Variants in RIPOR2 observed in about 807,000 individuals in gnomAD.
RIPOR2 encodes the protein RHO family interacting cell polarization regulator 2.
A neutral mutation model predicts 114.5 loss-of-function variants in RIPOR2; 39 were observed. That is an observed-to-expected ratio of 0.34 (90% CI 0.26 to 0.44). The LOEUF (loss-of-function observed/expected upper bound fraction) is 0.44. Ranked by LOEUF, RIPOR2 falls within the 20% of genes least tolerant of loss-of-function variation. The probability of loss-of-function intolerance (pLI) is 1.00; values close to 1 mark genes in which losing one functional copy is unlikely to be tolerated. For missense variants in RIPOR2, 1,007 were observed against 1,255.1 expected (o/e 0.80, Z 2.99); for synonymous variants, 445 against 484.4 (o/e 0.92, Z 1.07).
At position 24,809,825 on chromosome 6, in the gene RIPOR2, G is replaced by C. The variant is rs1336387711; in HGVS notation, c.2953-18C>G. Reference sequence around the variant, plus strand: ...TCAGTAGCCTATGGGGGAAAAATAGGTTAAATCGTGTTTTGACATTTAGGT... The same window carrying C: ...TCAGTAGCCTATGGGGGAAAAATAGCTTAAATCGTGTTTTGACATTTAGGT... On this transcript the variant is annotated intron_variant, in intron 20 of 21. Transcript: ENST00000643898. The C allele has an allele frequency of 6.8e-7, 1 of 1,476,224 alleles. No individual in the cohort carries two copies. Among genetic ancestry groups the C allele is most frequent in the African/African-American group, 1.4e-5 (1 of 71,556 alleles). The allele number at this position is 1,476,224 out of a possible 1,614,324, so 91.4% of individuals were successfully genotyped here.
chr6:25,024,167 G>T, intron 1 of RIPOR2: 2 of 1,265,964 alleles, frequency 1.6e-6, no homozygotes, highest in Non-Finnish European at 2.3e-6. Context: ...CCTGCTGGGC[G>T]ATTTCCACTT....
intron 1 of RIPOR2, among the ~76,000 whole-genome samples, chr6:24,984,712 G>A (rs554455908): frequency 6.6e-6 from 1 of 151,810 alleles, no homozygotes; most frequent in South Asian, 2.1e-4. Flanking sequence ...CACAATAAAT[G>A]CTCAATAAAA....
Position 24,818,570 on chromosome 6 carries a change from G to C in RIPOR2, c.2924C>G (p.Ala975Gly), listed in dbSNP as rs1759385792. Residue 975 changes from alanine (A) to glycine (G), a missense_variant, in exon 20 of 22, where the codon GCA becomes GGA. Physicochemically the swap from Ala to Gly is moderately conservative, Grantham distance 60. Coordinates refer to ENST00000643898, the MANE Select transcript of RIPOR2 (RefSeq NM_001286445.3). Reference protein sequence around the residue: ...LTKTNLQLQKAACLALKILEA... With the variant: ...LTKTNLQLQKGACLALKILEA... The stretch of plus-strand genomic sequence containing the variant: ...AAGGATTTTCAGAGCCAGGCAAGCT[G>C]CTTTCTGGAGCTGGAGGTTTGTCTT... The C allele has an allele frequency of 6.5e-7, 1 of 1,549,760 alleles. No homozygotes were observed. Among genetic ancestry groups the C allele is most frequent in the Non-Finnish European group, 8.7e-7 (1 of 1,145,770 alleles).
chr6:25,038,378 C>A (rs1311131875), intron 1 of RIPOR2, among the ~76,000 whole-genome samples: 1 of 152,144 alleles, frequency 6.6e-6, no homozygotes, highest in African/African-American at 2.4e-5. Flanking sequence ...TGTTATATGG[C>A]AAAAATGAGG....
chr6:24,906,314 G>A (rs999433883), intron 1 of RIPOR2, among the ~76,000 whole-genome samples: 30 of 152,190 alleles, frequency 2.0e-4, no homozygotes, highest in Admixed American at 2.0e-3. Context: ...GTGCCTTCAG[G>A]GAGCTCACAG....
intron 1 of RIPOR2, among the ~76,000 whole-genome samples, chr6:24,977,488 CAG>C (rs1774118394): frequency 1.3e-5 from 2 of 152,126 alleles, no homozygotes; most frequent in Non-Finnish European, 2.9e-5. Context: ...CCTATTCTAT[CAG>C]ATACATAACA....
At chr6:24,842,561 A>G (rs1761828077) in intron 13 of RIPOR2, among the ~76,000 whole-genome samples, 1 of 152,190 alleles carries the variant, frequency 6.6e-6, no homozygotes, top group African/African-American at 2.4e-5. Context: ...GACTGTAATC[A>G]TCAAAGTGCC....
intron 20 of RIPOR2, among the ~76,000 whole-genome samples, chr6:24,812,284 A>G (rs998877884): frequency 2.3e-5 from 1 of 42,992 alleles, no homozygotes; most frequent in African/African-American, 4.5e-5. Flanking sequence ...GAACTAGTTT[A>G]CAGTCCCACC....
At chr6:25,039,336 T>G (rs139701158) in intron 1 of RIPOR2, among the ~76,000 whole-genome samples, 178 of 152,298 alleles carry the variant, frequency 1.2e-3, no homozygotes, top group African/African-American at 4.2e-3. Flanking sequence ...CTTTTGTGAG[T>G]TGGAAAATGC....
At chr6:24,893,998 C>T (rs529491772) in intron 1 of RIPOR2, among the ~76,000 whole-genome samples, 4 of 152,198 alleles carry the variant, frequency 2.6e-5, no homozygotes, top group African/African-American at 7.2e-5. Context: ...GTTAGGTGTT[C>T]GAACCAACTG....
At chr6:24,869,008 G>A (rs1029996490) in intron 6 of RIPOR2, 86 bp downstream of exon 6, 13 of 692,148 alleles carry the variant, frequency 1.9e-5, no homozygotes, top group Non-Finnish European at 2.2e-5. Flanking sequence ...AGTTCTCCAC[G>A]CACTAGATAC....
chr6:24,848,102 C>G lies in RIPOR2; in HGVS notation c.1087G>C (p.Ala363Pro). The change falls in exon 12 of 22, where the codon GCA becomes CCA. Residue 363 changes from alanine (A) to proline (P), a missense_variant. Physicochemically the swap from Ala to Pro is conservative, Grantham distance 27. Coordinates refer to ENST00000643898, the MANE Select transcript of RIPOR2 (RefSeq NM_001286445.3). Reference protein sequence around the residue: ...TASSGAGNKAAALQRRMSMYS... With the variant: ...TASSGAGNKAPALQRRMSMYS... ...ATGGACATTCTCCTCTGAAGGGCTG[C>G]TGCCTTGTTCCCAGCGCCTGAGGAT... 9 of 1,613,878 alleles carry G rather than the reference C, an allele frequency of 5.6e-6. No individual in the cohort carries two copies. The highest frequency in any genetic ancestry group is 7.6e-6 in the Non-Finnish European group (9 of 1,179,832).
intron 10 of RIPOR2, 103 bp downstream of exon 10, chr6:24,850,494 G>C: frequency 7.9e-7 from 1 of 1,266,410 alleles, no homozygotes; most frequent in Non-Finnish European, 1.1e-6. Context: ...AGAAAAGTCT[G>C]TGGGATGGAG....
chr6:24,979,385 G>A (rs1774203979), intron 1 of RIPOR2, among the ~76,000 whole-genome samples: 1 of 150,126 alleles, frequency 6.7e-6, no homozygotes, highest in Non-Finnish European at 1.5e-5. Flanking sequence ...TCCTGTGGGA[G>A]AGACCACACC....
chr6:25,024,007 T>A, intron 1 of RIPOR2: 1 of 748,894 alleles, frequency 1.3e-6, no homozygotes, highest in Non-Finnish European at 2.5e-6. Context: ...CTTTGCGTAT[T>A]CCATCAGGTC....
intron 1 of RIPOR2, among the ~76,000 whole-genome samples, chr6:25,035,214 C>T (rs1256918786): frequency 6.6e-6 from 1 of 152,176 alleles, no homozygotes; most frequent in African/African-American, 2.4e-5. Context: ...AATGGATAAA[C>T]TTAGCAGGTG....
intron 1 of RIPOR2, among the ~76,000 whole-genome samples, chr6:24,942,866 C>A (rs1429154694): frequency 2.6e-5 from 4 of 152,132 alleles, no homozygotes; most frequent in African/African-American, 9.7e-5. Context: ...TGTAGGTTGC[C>A]TGTTCACTCT....
chr6:24,935,661 C>T (rs76774742), intron 1 of RIPOR2, among the ~76,000 whole-genome samples, 177 bp downstream of exon 1: 112 of 152,302 alleles, frequency 7.4e-4, no homozygotes, highest in African/African-American at 2.6e-3. Flanking sequence ...CCACCCCTTG[C>T]CTTGTGTATT....
At chr6:24,907,310 C>T (rs1769095152) in intron 1 of RIPOR2, among the ~76,000 whole-genome samples, 1 of 152,164 alleles carries the variant, frequency 6.6e-6, no homozygotes, top group African/African-American at 2.4e-5. Context: ...CCACACAGTA[C>T]TCATCGGTGT....
Sources: allele counts gnomAD v4.1 joint callset (sites outside exome capture counted in the v4.1 genomes callset), GRCh38; gene constraint gnomAD v4.1.1; transcripts MANE v1.5; gene names NCBI Gene and HGNC (gene_info 2026-07-23, HGNC 2026-07-21).